TLN2: variants seen among roughly 807,000 people sequenced by gnomAD.
TLN2 encodes the protein talin 2, also known as talin-2.
Under a neutral mutation model 294.7 loss-of-function variants are expected in TLN2, and 118 were observed. The ratio of observed to expected loss-of-function variants is 0.40; its 90% CI spans 0.34 to 0.47. The LOEUF (loss-of-function observed/expected upper bound fraction) is 0.47. Ranked by LOEUF, TLN2 falls within the 20% of genes least tolerant of loss-of-function variation. The pLI, the probability that TLN2 is intolerant of heterozygous loss-of-function variation, is 0.84. For synonymous variants in TLN2, 1,431 were observed against 1,304.5 expected (o/e 1.10, Z -2.09); for missense variants, 3,083 against 3,282.2 (o/e 0.94, Z 1.48).
chr15:62,682,044 TG>T (rs1457468852), intron 11 of TLN2, among the ~76,000 whole-genome samples: 1 of 152,208 alleles, frequency 6.6e-6, no homozygotes, highest in African/African-American at 2.4e-5. Context: ...CATGAGCCAC[TG>T]TATCTGGCCT....
At chr15:62,744,641 G>A (rs1405884063) in intron 32 of TLN2, among the ~76,000 whole-genome samples, 7 of 151,960 alleles carry the variant, frequency 4.6e-5, no homozygotes, top group African/African-American at 1.7e-4. Context: ...CCACCTCCCG[G>A]GTTCAAGTGA....
intron 2 of TLN2, among the ~76,000 whole-genome samples, chr15:62,609,215 C>G (rs978935063): frequency 2.0e-5 from 3 of 152,168 alleles, no homozygotes; most frequent in Admixed American, 6.5e-5. Context: ...GAAAATACAG[C>G]ACAAAAGAAG....
intron 1 of TLN2, among the ~76,000 whole-genome samples, chr15:62,399,303 G>A (rs1445079843): frequency 7.0e-6 from 1 of 142,654 alleles, no homozygotes; most frequent in Non-Finnish European, 1.5e-5. Flanking sequence ...ATGCTTGGAT[G>A]TCCAGGGAGA....
intron 1 of TLN2, among the ~76,000 whole-genome samples, chr15:62,478,151 C>T (rs1187640303): frequency 1.3e-5 from 2 of 152,150 alleles, no homozygotes; most frequent in Non-Finnish European, 2.9e-5. Context: ...GGTGCAGCCT[C>T]TGATTTACAG....
intron 1 of TLN2, among the ~76,000 whole-genome samples, chr15:62,455,363 G>GTGGGAGAGGGTGTTCGGGA (rs1172165467): frequency 2.3e-4 from 35 of 152,154 alleles, no homozygotes; most frequent in African/African-American, 8.0e-4. Context: ...CAAAAAGCCA[G>GTGGGAGAGGGTGTTCGGGA]TGGGAGAGGG....
intron 3 of TLN2, among the ~76,000 whole-genome samples, chr15:62,624,928 A>G (rs944593057): frequency 2.0e-5 from 3 of 152,226 alleles, no homozygotes; most frequent in African/African-American, 7.2e-5. Context: ...GGTTCGCTGG[A>G]GCATGGTGAC....
At chr15:62,715,220 A>G (rs979184869) in intron 22 of TLN2, among the ~76,000 whole-genome samples, 1 of 152,262 alleles carries the variant, frequency 6.6e-6, no homozygotes, top group African/African-American at 2.4e-5. Context: ...AAATAGCTCA[A>G]AGAAATAGGT....
intron 1 of TLN2, among the ~76,000 whole-genome samples, chr15:62,523,405 G>A: frequency 6.6e-6 from 1 of 152,236 alleles, no homozygotes; most frequent in East Asian, 1.9e-4. Flanking sequence ...TTAAGAGAAG[G>A]GGGTCAGAGG....
intron 42 of TLN2, 77 bp from the exon 43 acceptor site, chr15:62,776,687 A>T (rs1371445951): frequency 3.1e-6 from 4 of 1,288,724 alleles, no homozygotes; most frequent in East Asian, 5.8e-5. Flanking sequence ...TTTATATTCT[A>T]CTTTTGAAGG....
At chr15:62,778,116 G>A (rs1029522289) in intron 43 of TLN2, among the ~76,000 whole-genome samples, 5 of 152,190 alleles carry the variant, frequency 3.3e-5, no homozygotes, top group Non-Finnish European at 7.3e-5. Flanking sequence ...ATGATATGCT[G>A]TAACTATAAT....
chr15:62,485,050 A>G (rs1403943736), intron 1 of TLN2, among the ~76,000 whole-genome samples: 1 of 151,994 alleles, frequency 6.6e-6, no homozygotes, highest in African/African-American at 2.4e-5. Flanking sequence ...TGGGGATACC[A>G]TTCCTTCATC....
intron 1 of TLN2, among the ~76,000 whole-genome samples, chr15:62,408,206 A>G (rs1281716785): frequency 6.6e-6 from 1 of 152,290 alleles, no homozygotes; most frequent in South Asian, 2.1e-4. Context: ...GTGGCCTTAG[A>G]TAAGTCACTG....
chr15:62,631,818 C>G (rs1054217789), intron 3 of TLN2, among the ~76,000 whole-genome samples: 3 of 151,586 alleles, frequency 2.0e-5, no homozygotes, highest in African/African-American at 7.3e-5. Flanking sequence ...GGGCTCAAAC[C>G]ATCCTCGTGC....
At chr15:62,559,152 C>T (rs922228544) in intron 1 of TLN2, among the ~76,000 whole-genome samples, 16 of 152,196 alleles carry the variant, frequency 1.1e-4, no homozygotes, top group Non-Finnish European at 2.2e-4. Context: ...AGTCCTCCAG[C>T]AGCCTGACTT....
intron 1 of TLN2, among the ~76,000 whole-genome samples, chr15:62,469,620 C>T (rs2037355131): frequency 6.6e-6 from 1 of 152,168 alleles, no homozygotes; most frequent in Non-Finnish European, 1.5e-5. Flanking sequence ...GAAAAACTCT[C>T]CTCTTGTTCA....
intron 54 of TLN2, among the ~76,000 whole-genome samples, chr15:62,824,377 G>C (rs1324944763): frequency 1.3e-5 from 2 of 152,172 alleles, no homozygotes; most frequent in African/African-American, 4.8e-5. Flanking sequence ...AACACATCTA[G>C]ATTCATGTTT....
intron 1 of TLN2, among the ~76,000 whole-genome samples, chr15:62,479,109 C>T (rs2037941983): frequency 6.6e-6 from 1 of 152,184 alleles, no homozygotes; most frequent in Non-Finnish European, 1.5e-5. Flanking sequence ...GCAGCTCCTT[C>T]TTGCTTCTTT....
chr15:62,629,457 G>A (rs780556186), intron 3 of TLN2, among the ~76,000 whole-genome samples: 4 of 152,138 alleles, frequency 2.6e-5, no homozygotes, highest in Non-Finnish European at 5.9e-5. Flanking sequence ...GCTGAGCTTC[G>A]GGAGGTGTCT....
intron 3 of TLN2, among the ~76,000 whole-genome samples, chr15:62,628,232 G>A (rs1446396633): frequency 3.3e-5 from 5 of 152,218 alleles, no homozygotes; most frequent in African/African-American, 9.6e-5. Context: ...GTAACTCACT[G>A]TGTAATTCTG....
Sources: gnomAD v4.1 joint callset for allele counts (sites outside exome capture counted in the v4.1 genomes callset) on GRCh38, gnomAD v4.1.1 for gene constraint, MANE v1.5 for transcripts, NCBI Gene and HGNC (gene_info 2026-07-23, HGNC 2026-07-21) for gene names.